Variants in YBX2 observed in about 807,000 individuals in gnomAD.
YBX2 encodes Y-box-binding protein 2.
Under a neutral mutation model 44.4 loss-of-function variants are expected in YBX2, and 5 were observed. The observed-to-expected ratio is 0.11, with a 90% CI of 0.06 to 0.24. The LOEUF (loss-of-function observed/expected upper bound fraction) is 0.24. Ranked by LOEUF, YBX2 falls within the 10% of genes least tolerant of loss-of-function variation. The pLI is 1.00. For missense variants in YBX2, 417 were observed against 526.9 expected, an observed-to-expected ratio of 0.79 and a Z score of 2.04; for synonymous variants, 188 against 216.1, an observed-to-expected ratio of 0.87 and a Z score of 1.14.
intron 2 of YBX2, chr17:7,292,293 G>A: frequency 1.8e-6 from 1 of 553,036 alleles, no homozygotes; most frequent in Non-Finnish European, 3.3e-6. Flanking sequence ...ACAAGGAAAG[G>A]GCAGGCTGGG....
chr17:7,290,785 C>T (rs964750236), intron 4 of YBX2, among the ~76,000 whole-genome samples: 1 of 152,200 alleles, frequency 6.6e-6, no homozygotes, highest in African/African-American at 2.4e-5. Context: ...GGCCTGGCAG[C>T]CAGCATCCAC....
chr17:7,292,245 G>T, intron 2 of YBX2, 186 bp from the exon 3 acceptor site: 1 of 684,252 alleles, frequency 1.5e-6, no homozygotes, highest in Non-Finnish European at 2.6e-6. Flanking sequence ...GGTGTAAAGA[G>T]AGATACACCT....
chr17:7,290,180 G>A, intron 5 of YBX2, 71 bp downstream of exon 5: 1 of 1,611,160 alleles, frequency 6.2e-7, no homozygotes, highest in Non-Finnish European at 8.5e-7. Context: ...GGGGACCCAT[G>A]GTCTCTATCC....
In YBX2 at chr17:7,294,255, C is replaced by A; in HGVS notation, c.246G>T (p.Arg82=). The part of the protein sequence containing the change: ...AVSGTPAPPA[R]SQADKPVLAI... ...CCAGCACCGGCTTGTCCGCCTGACT[C>A]CGGGCCGGGGGGGCGGGGGTTCCCG... is the stretch of plus-strand genomic sequence containing the variant. The change falls in exon 1 of 9, where the codon CGG becomes CGT. Residue 82 remains arginine, a synonymous_variant. Coordinates refer to ENST00000007699, the MANE Select transcript of YBX2 (RefSeq NM_015982.4). This position sits in a 1 kb window ranked among gnomAD's most constrained non-coding sequence, Gnocchi z 4.6. 1 of 1,274,666 alleles carries A rather than the reference C, an allele frequency of 7.8e-7. No homozygotes were observed. Among genetic ancestry groups the A allele is most frequent in the Non-Finnish European group, 9.8e-7 (1 of 1,017,050 alleles). 79.0% of individuals were successfully genotyped at this position (1,274,666 alleles called of 1,614,324 possible). A position where few individuals can be genotyped will look rare whatever the true frequency, so the allele number is the denominator to read the frequency against.
At chr17:7,293,187 A>G in intron 2 of YBX2, 1 of 511,886 alleles carries the variant, frequency 2.0e-6, no homozygotes, top group Non-Finnish European at 3.5e-6. Flanking sequence ...ATGTCAGAGT[A>G]AAAGTAATGA....
Position 7,291,408 on chromosome 17 carries a change from T to C in YBX2, c.370-226A>G. 1 of 581,586 alleles carries C rather than the reference T, an allele frequency of 1.7e-6. No individual in the cohort carries two copies. The highest frequency in any genetic ancestry group is 3.1e-6 in the Non-Finnish European group (1 of 322,394). The allele number at this position is 581,586 out of a possible 1,614,324, so 36.0% of individuals were successfully genotyped here. A position where few individuals can be genotyped will look rare whatever the true frequency, so the allele number is the denominator to read the frequency against. On this transcript the variant is annotated intron_variant, in intron 3 of 8. Coordinates refer to ENST00000007699, the MANE Select transcript of YBX2 (RefSeq NM_015982.4). This position sits in a 1 kb window ranked among gnomAD's most constrained non-coding sequence, Gnocchi z 5.8. Reference sequence around the variant, plus strand: ...ATCCCCAGGATGCACTCCCCGCACCTCCCCTCCCGCCCCGCTTTACCCCTC... The same window carrying C: ...ATCCCCAGGATGCACTCCCCGCACCCCCCCTCCCGCCCCGCTTTACCCCTC...
chr17:7,291,928 G>A lies in YBX2; in HGVS notation c.369+98C>T. On this transcript the variant is annotated intron_variant, in intron 3 of 8. Transcript: ENST00000007699. This position sits in a 1 kb window ranked among gnomAD's most constrained non-coding sequence, Gnocchi z 5.8. ...AAGGCGGATGGGCCGTTGTGAAGAA[G>A]AGCCAGAGAAACATGGCGGAGCGCA... 1 of 1,491,798 alleles carries A rather than the reference G, an allele frequency of 6.7e-7. No homozygotes were observed. The highest frequency in any genetic ancestry group is 1.1e-5 in the South Asian group (1 of 88,390). The allele number at this position is 1,491,798 out of a possible 1,614,324, so 92.4% of individuals were successfully genotyped here.
chr17:7,294,448 A>G lies in YBX2; in HGVS notation c.53T>C (p.Val18Ala). 1 of 1,474,610 alleles carries G rather than the reference A, an allele frequency of 6.8e-7. No homozygotes were observed. Among genetic ancestry groups the G allele is most frequent in the Non-Finnish European group, 9.0e-7 (1 of 1,116,084 alleles). The allele number at this position is 1,474,610 out of a possible 1,614,324, so 91.3% of individuals were successfully genotyped here. Residue 18 changes from valine (V) to alanine (A), a missense_variant, in exon 1 of 9, where the codon GTG becomes GCG. By Grantham distance (64) the Val-to-Ala change is moderately conservative. Coordinates refer to ENST00000007699, the MANE Select transcript of YBX2 (RefSeq NM_015982.4). This position sits in a 1 kb window ranked among gnomAD's most constrained non-coding sequence, Gnocchi z 4.6. The part of the protein sequence containing the change: ...AGATAVPAAT[V>A]PATAAGVVAV... Reference sequence around the variant, plus strand: ...TACCACCCCTGCCGCCGTCGCGGGCACCGTCGCCGCGGGGACCGCTGTAGC... The same window carrying G: ...TACCACCCCTGCCGCCGTCGCGGGCGCCGTCGCCGCGGGGACCGCTGTAGC...
In YBX2 at chr17:7,288,593, G is replaced by A. The variant is rs540598034; in HGVS notation, c.*90C>T. On this transcript the variant is annotated 3_prime_UTR_variant, in exon 9 of 9. Transcript: ENST00000007699. Reference sequence around the variant, plus strand: ...TGATGTCATGAATTATGGGAAAGGGGGAGCAGGGTACTGGGTAGGGTACAG... The same window carrying A: ...TGATGTCATGAATTATGGGAAAGGGAGAGCAGGGTACTGGGTAGGGTACAG... 1.0e-5 allele frequency: 6 copies of A among 593,172 alleles called. No individual in the cohort carries two copies. The South Asian group carries it at 1.2e-4, about 12-fold the overall frequency. The allele number at this position is 593,172 out of a possible 1,614,324, so 36.7% of individuals were successfully genotyped here.
At position 7,291,142 on chromosome 17, in the gene YBX2, C is replaced by G; in HGVS notation, c.410G>C (p.Ser137Thr). Residue 137 changes from serine to threonine, a missense_variant, in exon 4 of 9, where the codon AGC (serine) becomes ACC (threonine). This residue lies in a region of YBX2 where 39 missense variants were observed against 123.8 expected (regional missense o/e 0.32). Coordinates refer to ENST00000007699, the MANE Select transcript of YBX2 (RefSeq NM_015982.4). The surrounding 1 kb of genome is among the most constrained non-coding windows in gnomAD (Gnocchi z 5.8). ...KRNNPRKFLR[S>T]VGDGETVEFD... is the part of the protein sequence containing the mutation. Reference sequence around the variant, plus strand: ...TTCCACAGTCTCCCCATCTCCAACGCTGCGCAGAAACTTCCTGGGGTTGTT... The same window carrying G: ...TTCCACAGTCTCCCCATCTCCAACGGTGCGCAGAAACTTCCTGGGGTTGTT... 6.2e-7 allele frequency: 1 copy of G among 1,613,722 alleles called. No individual in the cohort carries two copies. Among genetic ancestry groups the G allele is most frequent in the African/African-American group, 1.3e-5 (1 of 75,026 alleles).
intron 4 of YBX2, among the ~76,000 whole-genome samples, chr17:7,290,843 G>A (rs371112142): frequency 5.1e-4 from 78 of 152,286 alleles, no homozygotes; most frequent in African/African-American, 1.8e-3. Flanking sequence ...AGGGCCCCAC[G>A]TGGAGAACGG....
At chr17:7,293,653 T>G (rs2072517736) in intron 1 of YBX2, 115 bp from the exon 2 acceptor site, 1 of 1,558,682 alleles carries the variant, frequency 6.4e-7, no homozygotes, top group Middle Eastern at 1.8e-4. Context: ...TATTACCTAT[T>G]CAGGTTACCT....
intron 7 of YBX2, 108 bp from the exon 8 acceptor site, chr17:7,288,946 T>TC (rs1280613195): frequency 7.4e-7 from 1 of 1,356,478 alleles, no homozygotes; most frequent in Non-Finnish European, 1.0e-6. Flanking sequence ...CACTGCAAAC[T>TC]CCCCCTCCCA....
In YBX2 at chr17:7,292,273, C is replaced by T. The variant is rs1490219825; in HGVS notation, c.336-214G>A. 6.8e-6 allele frequency: 4 copies of T among 591,660 alleles called. No homozygotes were observed. In the Admixed American group the frequency reaches 1.1e-4, roughly 16 times the overall value. 36.7% of individuals were successfully genotyped at this position (591,660 alleles called of 1,614,324 possible). A position where few individuals can be genotyped will look rare whatever the true frequency, so the allele number is the denominator to read the frequency against. ...ATACACCTAAAACCTCAGTGCCAAACCTGGACTTCACAAGGAAAGGGCAGG... is the reference window on the plus strand; with the variant it reads ...ATACACCTAAAACCTCAGTGCCAAATCTGGACTTCACAAGGAAAGGGCAGG... On this transcript the variant is annotated intron_variant, in intron 2 of 8. Transcript: ENST00000007699.
At position 7,291,915 on chromosome 17, in the gene YBX2, C is replaced by T; in HGVS notation, c.369+111G>A. 1.4e-6 allele frequency: 2 copies of T among 1,396,152 alleles called. No individual in the cohort carries two copies. Among genetic ancestry groups the T allele is most frequent in the Non-Finnish European group, 2.0e-6 (2 of 984,772 alleles). 86.5% of individuals were successfully genotyped at this position (1,396,152 alleles called of 1,614,324 possible). The stretch of plus-strand genomic sequence containing the variant: ...GACACAGGCACCCAAGGCGGATGGG[C>T]CGTTGTGAAGAAGAGCCAGAGAAAC... On this transcript the variant is annotated intron_variant, in intron 3 of 8. Coordinates refer to ENST00000007699, the MANE Select transcript of YBX2 (RefSeq NM_015982.4). The surrounding 1 kb of genome is among the most constrained non-coding windows in gnomAD (Gnocchi z 5.8).
chr17:7,290,606 C>T, intron 4 of YBX2, 71 bp from the exon 5 acceptor site: 1 of 1,559,908 alleles, frequency 6.4e-7, no homozygotes, highest in Non-Finnish European at 8.7e-7. Flanking sequence ...CTTGCTTCCC[C>T]TTCTTTCAGG....
intron 4 of YBX2, 24 bp from the exon 5 acceptor site, chr17:7,290,559 T>C: frequency 6.2e-7 from 1 of 1,607,770 alleles, no homozygotes; most frequent in Non-Finnish European, 8.5e-7. Context: ...AAGGGAATAG[T>C]GAGAACCTGC....
chr17:7,293,298 G>A (rs1597604848), intron 2 of YBX2, 177 bp downstream of exon 2: 1 of 1,145,086 alleles, frequency 8.7e-7, no homozygotes, highest in East Asian at 2.6e-5. Flanking sequence ...ATGCGGAGGA[G>A]GCTTCCTCTT....
In YBX2 at chr17:7,288,745, T is replaced by G; in HGVS notation, c.*39+4A>C. On this transcript the variant is annotated splice_donor_region_variant and intron_variant, in intron 8 of 8. Coordinates refer to ENST00000007699, the MANE Select transcript of YBX2 (RefSeq NM_015982.4). ...CCACCCACCCAACTGCACCAGCCAC[T>G]CACCAGATGGCAGCTCTGGGTGTCC... The G allele has an allele frequency of 1.2e-6, 2 of 1,612,400 alleles. No individual in the cohort carries two copies. Among genetic ancestry groups the G allele is most frequent in the East Asian group, 2.2e-5 (1 of 44,860 alleles).
Sources: gnomAD v4.1 joint callset for allele counts (sites outside exome capture counted in the v4.1 genomes callset) on GRCh38, gnomAD v4.1.1 for gene constraint, gnomAD v4.1.1 regional missense constraint, Gnocchi (gnomAD v3.1) non-coding constraint, MANE v1.5 for transcripts, NCBI Gene and HGNC (gene_info 2026-07-23, HGNC 2026-07-21) for gene names.